The following BTBD16 variants were observed in gnomAD, a reference collection of about 807,000 sequenced individuals.
BTBD16 encodes BTB domain containing 16, also known as BTB/POZ domain-containing protein 16.
In BTBD16, 66 loss-of-function variants were observed where a neutral mutation model predicts 67.4. The ratio of observed to expected loss-of-function variants is 0.98; its 90% CI spans 0.80 to 1.20. The LOEUF is 1.20. Ranked by LOEUF, BTBD16 falls within the 50% of genes most tolerant of loss-of-function variation. The pLI is 0.00. For synonymous variants in BTBD16, 242 were observed against 236.4 expected, an observed-to-expected ratio of 1.02 and a Z score of -0.22; for missense variants, 634 against 616.0, an observed-to-expected ratio of 1.03 and a Z score of -0.31.
At chr10:122,331,347 A>T in intron 12 of BTBD16, 89 bp downstream of exon 12, 1 of 1,555,074 alleles carries the variant, frequency 6.4e-7, no homozygotes, top group Non-Finnish European at 8.7e-7. Flanking sequence ...CACATTTGAA[A>T]CCTCTAAACC....
chr10:122,298,231 C>T (rs992693625), intron 8 of BTBD16, among the ~76,000 whole-genome samples: 38 of 152,206 alleles, frequency 2.5e-4, no homozygotes, highest in African/African-American at 8.9e-4. Context: ...GAAAACAGAG[C>T]CAAGGAGGGC....
chr10:122,314,450 G>A (rs533215369), intron 10 of BTBD16, among the ~76,000 whole-genome samples: 7 of 152,156 alleles, frequency 4.6e-5, no homozygotes, highest in Non-Finnish European at 7.3e-5. Flanking sequence ...GCTGCAGTAA[G>A]CTGTGATTGT....
intron 1 of BTBD16, among the ~76,000 whole-genome samples, chr10:122,273,428 A>G (rs2096333623): frequency 6.6e-6 from 1 of 152,090 alleles, no homozygotes; most frequent in South Asian, 2.1e-4. Context: ...TTAATAAATA[A>G]TGATGCATTC....
At position 122,303,827 on chromosome 10, in the gene BTBD16, G is replaced by A. The variant is rs11819169; in HGVS notation, c.792-3362G>A. ...TTGATTGAGGCCATCAGAGCTCTTA[G>A]GTAAATGAAAAGGTGTGTGAATGTC... On this transcript the variant is annotated intron_variant, in intron 9 of 15. Transcript: ENST00000260723. Among the ~76,000 whole-genome samples, 612 of 152,270 alleles carry A rather than the reference G, an allele frequency of 4.0e-3. 5 individuals are homozygous for A. Among genetic ancestry groups the A allele is most frequent in the African/African-American group, 0.014 (587 of 41,552 alleles).
At chr10:122,277,156 ATT>A (rs34246262) in intron 3 of BTBD16, among the ~76,000 whole-genome samples, 31,634 of 134,238 alleles carry the variant, frequency 0.24, 3,672 homozygotes, top group East Asian at 0.41. Flanking sequence ...GAAAGATTGA[ATT>A]TTTTTTTTTT....
Position 122,317,084 on chromosome 10 carries a change from C to T in BTBD16, c.911+9776C>T, listed in dbSNP as rs189978136. The stretch of plus-strand genomic sequence containing the variant: ...GATTACAGGCGTGAGTCACTGCACC[C>T]AGCCTACTGTAGACTTTATAAACGC... On this transcript the variant is annotated intron_variant, in intron 10 of 15. Coordinates refer to ENST00000260723, the MANE Select transcript of BTBD16 (RefSeq NM_144587.5). 3.5e-3 allele frequency among the ~76,000 whole-genome samples: 534 copies of T among 152,300 alleles called. 5 individuals are homozygous for T. Among genetic ancestry groups the T allele is most frequent in the African/African-American group, 0.011 (463 of 41,582 alleles).
intron 9 of BTBD16, among the ~76,000 whole-genome samples, chr10:122,302,979 T>C (rs1030990556): frequency 6.6e-6 from 1 of 152,208 alleles, no homozygotes; most frequent in Non-Finnish European, 1.5e-5. Flanking sequence ...GAGGCCTTCT[T>C]TTTCCTTATT....
At chr10:122,300,117 ACTGGTGAACATCCTT>A (rs1233379937) in intron 9 of BTBD16, among the ~76,000 whole-genome samples, 2 of 152,230 alleles carry the variant, frequency 1.3e-5, no homozygotes, top group African/African-American at 4.8e-5. Flanking sequence ...TAAATAGCAC[ACTGGTGAACATCCTT>A]CAACATTTGT....
chr10:122,332,864 G>T, intron 13 of BTBD16: 1 of 985,450 alleles, frequency 1.0e-6, no homozygotes, highest in Non-Finnish European at 1.2e-6. Flanking sequence ...AACACCAACA[G>T]TTGCAAACTG....
At chr10:122,330,009 G>A (rs9663186) in intron 11 of BTBD16, among the ~76,000 whole-genome samples, 3,626 of 152,198 alleles carry the variant, frequency 0.024, 151 homozygotes, top group African/African-American at 0.082. Flanking sequence ...GGGAAATGTT[G>A]GGGAGTATGT....
At chr10:122,316,277 C>T (rs1355744470) in intron 10 of BTBD16, among the ~76,000 whole-genome samples, 1 of 151,976 alleles carries the variant, frequency 6.6e-6, no homozygotes, top group Non-Finnish European at 1.5e-5. Context: ...AAAAACAAAA[C>T]AAAACAAAAC....
intron 10 of BTBD16, among the ~76,000 whole-genome samples, chr10:122,313,881 A>T (rs977480826): frequency 6.6e-6 from 1 of 152,194 alleles, no homozygotes; most frequent in Non-Finnish European, 1.5e-5. Context: ...TGACATATAC[A>T]TCATTTTTAG....
chr10:122,308,433 A>C (rs2096407530), intron 10 of BTBD16, among the ~76,000 whole-genome samples: 1 of 152,032 alleles, frequency 6.6e-6, no homozygotes, highest in African/African-American at 2.4e-5. Flanking sequence ...GCATTTCCCC[A>C]AGCCCCCTGA....
At chr10:122,322,289 T>C (rs1300899565) in intron 10 of BTBD16, among the ~76,000 whole-genome samples, 1 of 152,244 alleles carries the variant, frequency 6.6e-6, no homozygotes, top group African/African-American at 2.4e-5. Context: ...TTTCCAGGCT[T>C]TCTTCTTTTC....
intron 10 of BTBD16, among the ~76,000 whole-genome samples, chr10:122,317,025 G>T (rs995038133): frequency 9.9e-5 from 15 of 152,136 alleles, no homozygotes; most frequent in Non-Finnish European, 2.2e-4. Flanking sequence ...CCGACCTCAG[G>T]TGATCCACCC....
chr10:122,281,611 C>G (rs2096353361), intron 3 of BTBD16, among the ~76,000 whole-genome samples: 1 of 152,128 alleles, frequency 6.6e-6, no homozygotes, highest in African/African-American at 2.4e-5. Flanking sequence ...ATGTTGATAC[C>G]TTTCACAGAG....
intron 9 of BTBD16, among the ~76,000 whole-genome samples, chr10:122,304,743 C>T (rs528144957): frequency 2.8e-4 from 42 of 152,008 alleles, no homozygotes; most frequent in Middle Eastern, 3.4e-3. Flanking sequence ...TTAGTAGAGA[C>T]GGGGTTTCAT....
At chr10:122,300,178 G>C (rs2096391161) in intron 9 of BTBD16, among the ~76,000 whole-genome samples, 1 of 152,112 alleles carries the variant, frequency 6.6e-6, no homozygotes. Flanking sequence ...TAAATTCCTA[G>C]AAATGAAGTT....
chr10:122,316,584 T>C (rs2096424910), intron 10 of BTBD16, among the ~76,000 whole-genome samples: 1 of 152,176 alleles, frequency 6.6e-6, no homozygotes, highest in African/African-American at 2.4e-5. Context: ...CATGTTCCTG[T>C]ACTGAATATC....
Sources: gnomAD v4.1 joint callset for allele counts (sites outside exome capture counted in the v4.1 genomes callset) on GRCh38, gnomAD v4.1.1 for gene constraint, MANE v1.5 for transcripts, NCBI Gene and HGNC (gene_info 2026-07-23, HGNC 2026-07-21) for gene names.